The following SMCHD1 variants were observed in gnomAD, a reference collection of about 807,000 sequenced individuals.
SMCHD1 encodes structural maintenance of chromosomes flexible hinge domain containing 1.
In SMCHD1, 78 loss-of-function variants were observed where a neutral mutation model predicts 254.7. That is an observed-to-expected ratio of 0.31 (90% CI 0.26 to 0.37). The LOEUF is 0.37. Ranked by LOEUF, SMCHD1 falls within the 10% of genes least tolerant of loss-of-function variation. The pLI is 1.00. For missense variants in SMCHD1, 1,840 were observed against 2,408.1 expected (o/e 0.76, Z 4.94); for synonymous variants, 766 against 794.9 (o/e 0.96, Z 0.61).
intron 7 of SMCHD1, among the ~76,000 whole-genome samples, chr18:2,693,207 A>G (rs1318814313): frequency 6.6e-6 from 1 of 152,230 alleles, no homozygotes; most frequent in Non-Finnish European, 1.5e-5. Context: ...AGAATAGTTT[A>G]GTCTGTTTTT....
chr18:2,731,054 A>G (rs2075128697), intron 24 of SMCHD1, among the ~76,000 whole-genome samples: 1 of 152,214 alleles, frequency 6.6e-6, no homozygotes, highest in South Asian at 2.1e-4. Flanking sequence ...ATGCCAACGT[A>G]AATCCTCTAA....
intron 1 of SMCHD1, among the ~76,000 whole-genome samples, chr18:2,660,269 G>C (rs190816283): frequency 1.3e-5 from 2 of 152,070 alleles, no homozygotes; most frequent in Admixed American, 6.6e-5. Flanking sequence ...AAGTTGCAGC[G>C]AGCTGAGAAC....
At chr18:2,741,484 T>C (rs531769866) in intron 28 of SMCHD1, among the ~76,000 whole-genome samples, 165 of 152,332 alleles carry the variant, frequency 1.1e-3, no homozygotes, top group Non-Finnish European at 2.1e-3. Context: ...GAGTCTCTAT[T>C]ACACTTTTTC....
chr18:2,663,524 T>C (rs1450617775), intron 1 of SMCHD1, among the ~76,000 whole-genome samples: 2 of 152,204 alleles, frequency 1.3e-5, no homozygotes, highest in African/African-American at 4.8e-5. Context: ...CTGGAATTTA[T>C]TTTTGTCTAA....
At chr18:2,723,436 C>T (rs2074966909) in intron 20 of SMCHD1, among the ~76,000 whole-genome samples, 2 of 151,494 alleles carry the variant, frequency 1.3e-5, no homozygotes, top group Admixed American at 1.3e-4. Context: ...CCTGTGAGCT[C>T]CACTGTGGGA....
At chr18:2,765,448 T>A (rs947149318) in intron 37 of SMCHD1, among the ~76,000 whole-genome samples, 1 of 152,224 alleles carries the variant, frequency 6.6e-6, no homozygotes, top group African/African-American at 2.4e-5. Context: ...TCAGTAAAAT[T>A]AGGCTTATAC....
Position 2,684,296 on chromosome 18 carries a change from C to T in SMCHD1, c.639-4098C>T, listed in dbSNP as rs114817646. 4.3e-3 allele frequency among the ~76,000 whole-genome samples: 652 copies of T among 152,208 alleles called. 4 individuals carry two copies. The highest frequency in any genetic ancestry group is 0.014 in the African/African-American group (595 of 41,548). Reference sequence around the variant, plus strand: ...AGGAAAATAATACTGGATATTATTACATCCATAATGTAATTAAATGTAATA... The same window carrying T: ...AGGAAAATAATACTGGATATTATTATATCCATAATGTAATTAAATGTAATA... On this transcript the variant is annotated intron_variant, in intron 5 of 47. Coordinates refer to ENST00000320876, the MANE Select transcript of SMCHD1 (RefSeq NM_015295.3).
chr18:2,693,600 G>A (rs573968163), intron 7 of SMCHD1, among the ~76,000 whole-genome samples: 20 of 152,082 alleles, frequency 1.3e-4, no homozygotes, highest in South Asian at 6.2e-4. Context: ...ACACACAAAC[G>A]CGCATGCGTG....
chr18:2,797,500 A>G (rs987916885), intron 47 of SMCHD1, among the ~76,000 whole-genome samples: 11 of 152,210 alleles, frequency 7.2e-5, no homozygotes, highest in Non-Finnish European at 1.5e-4. Context: ...CGTATTCTAC[A>G]TTTATTCAGT....
At chr18:2,756,850 A>G (rs2075690389) in intron 34 of SMCHD1, among the ~76,000 whole-genome samples, 1 of 152,146 alleles carries the variant, frequency 6.6e-6, no homozygotes, top group Admixed American at 6.6e-5. Flanking sequence ...TTTGTTGTTC[A>G]TACCGTTCTG....
intron 1 of SMCHD1, among the ~76,000 whole-genome samples, chr18:2,662,712 AG>A (rs2073326875): frequency 6.6e-6 from 1 of 151,522 alleles, no homozygotes; most frequent in Non-Finnish European, 1.5e-5. Flanking sequence ...GAAATAAAAA[AG>A]TAGTAATGAA....
chr18:2,743,007 C>T (rs1281463955), intron 28 of SMCHD1, among the ~76,000 whole-genome samples: 3 of 152,114 alleles, frequency 2.0e-5, no homozygotes, highest in Non-Finnish European at 4.4e-5. Context: ...ATTGTTACAG[C>T]AGCCCAGAAA....
intron 41 of SMCHD1, among the ~76,000 whole-genome samples, chr18:2,774,672 A>G (rs966908480): frequency 2.0e-5 from 3 of 152,044 alleles, no homozygotes; most frequent in Admixed American, 1.3e-4. Flanking sequence ...TGAACTCCCA[A>G]AGTGCTAGTA....
chr18:2,737,661 A>G (rs764053487), intron 25 of SMCHD1, among the ~76,000 whole-genome samples: 1 of 152,128 alleles, frequency 6.6e-6, no homozygotes, highest in Non-Finnish European at 1.5e-5. Context: ...CCAGTGAGCT[A>G]TGATCATTGC....
At position 2,687,080 on chromosome 18, in the gene SMCHD1, C is replaced by T. The variant is rs571604000; in HGVS notation, c.639-1314C>T. Among the ~76,000 whole-genome samples, 3 of 152,212 alleles carry T rather than the reference C, an allele frequency of 2.0e-5. No individual in the cohort carries two copies. In the South Asian group the frequency reaches 6.2e-4, roughly 32 times the overall value. ...AGGATTTAAAATATTTTCCTTCCCCCAACTTAAGGACTTCATTAGCTTTGG... is the reference window on the plus strand; with the variant it reads ...AGGATTTAAAATATTTTCCTTCCCCTAACTTAAGGACTTCATTAGCTTTGG... On this transcript the variant is annotated intron_variant, in intron 5 of 47. Coordinates refer to ENST00000320876, the MANE Select transcript of SMCHD1 (RefSeq NM_015295.3).
At chr18:2,694,944 T>G (rs904183687) in intron 8 of SMCHD1, among the ~76,000 whole-genome samples, 13 of 152,182 alleles carry the variant, frequency 8.5e-5, no homozygotes, top group African/African-American at 3.1e-4. Context: ...ATTATAAAAT[T>G]AAAAAAGAAC....
chr18:2,724,501 A>G (rs556828141), intron 20 of SMCHD1, among the ~76,000 whole-genome samples: 1 of 152,238 alleles, frequency 6.6e-6, no homozygotes, highest in East Asian at 1.9e-4. Context: ...CCCACTGGTG[A>G]AAGATTTGAA....
At chr18:2,713,502 G>A (rs2074725731) in intron 17 of SMCHD1, among the ~76,000 whole-genome samples, 1 of 150,446 alleles carries the variant, frequency 6.6e-6, no homozygotes, top group Non-Finnish European at 1.5e-5. Context: ...TGGCCAACAT[G>A]GTGAAACCCC....
chr18:2,793,656 C>CAAAA lies in SMCHD1; in HGVS notation c.5720-2281_5720-2278dup, dbSNP rs1277905569. Reference sequence around the variant, plus strand: ...CTCCAGCCTGGGCGAGACTCCGTCTCAAAAAAAAAAAAAAAGAAAGAAAAC... The same window carrying CAAAA: ...CTCCAGCCTGGGCGAGACTCCGTCTCAAAAAAAAAAAAAAAAAAAGAAAGAAAAC... On this transcript the variant is annotated intron_variant, in intron 45 of 47. Coordinates refer to ENST00000320876, the MANE Select transcript of SMCHD1 (RefSeq NM_015295.3). Among the ~76,000 whole-genome samples, 59 of 43,836 alleles carry CAAAA rather than the reference C, an allele frequency of 1.3e-3. 1 individual carries two copies. Among genetic ancestry groups the CAAAA allele is most frequent in the African/African-American group, 2.5e-3 (26 of 10,468 alleles). 28.8% of individuals were successfully genotyped at this position (43,836 alleles called of 152,430 possible). A position where few individuals can be genotyped will look rare whatever the true frequency, so the allele number is the denominator to read the frequency against.
Sources: allele counts gnomAD v4.1 joint callset (sites outside exome capture counted in the v4.1 genomes callset), GRCh38; gene constraint gnomAD v4.1.1; transcripts MANE v1.5; gene names NCBI Gene and HGNC (gene_info 2026-07-23, HGNC 2026-07-21).